CLASRP: variants seen among roughly 807,000 people sequenced by gnomAD.
The protein encoded by CLASRP is CLK4 associating serine/arginine rich protein.
CLASRP carries 52 observed loss-of-function variants against 99.9 expected under a neutral mutation model. The ratio of observed to expected loss-of-function variants is 0.52; its 90% CI spans 0.42 to 0.66. The LOEUF is 0.66. CLASRP is among the 30% of genes least tolerant of loss of function. The pLI is 0.00. For synonymous variants in CLASRP, 379 were observed against 373.0 expected (o/e 1.02, Z -0.18); for missense variants, 848 against 999.2 (o/e 0.85, Z 2.04).
At position 45,064,614 on chromosome 19, in the gene CLASRP, C is replaced by T; in HGVS notation, c.1393C>T (p.Pro465Ser). ...GCCCGCCCGGCGTGGTGGTTACGGG[C>T]CCCGGCGCAGAAGCAGGTGTGTGTG... ...RSPARRGGYG[P>S]RRRSRSRSHS... The change falls in exon 13 of 21, where the codon CCC (proline) becomes TCC (serine). Residue 465 changes from proline (P) to serine (S), a missense_variant. Pro to Ser is a moderately conservative substitution (Grantham distance 74, BLOSUM62 -1). Coordinates refer to ENST00000221455, the MANE Select transcript of CLASRP (RefSeq NM_007056.3). 1 of 1,551,436 alleles carries T rather than the reference C, an allele frequency of 6.4e-7. No individual in the cohort carries two copies. Among genetic ancestry groups the T allele is most frequent in the Non-Finnish European group, 8.7e-7 (1 of 1,154,524 alleles).
chr19:45,063,497 G>A lies in CLASRP; in HGVS notation c.906-515G>A, dbSNP rs1409912698. On this transcript the variant is annotated intron_variant, in intron 11 of 20. Transcript: ENST00000221455. ...GTCTCACTCTGTTGCCCAAGCTGGT[G>A]TGCAGTGGCGTGACCTGGACTCACT... Among the ~76,000 whole-genome samples, 3 of 118,394 alleles carry A rather than the reference G, an allele frequency of 2.5e-5. No homozygotes were observed. The Admixed American group carries it at 3.5e-4, about 14-fold the overall frequency. 77.7% of individuals were successfully genotyped at this position (118,394 alleles called of 152,430 possible).
chr19:45,063,166 T>C lies in CLASRP; in HGVS notation c.906-846T>C, dbSNP rs542286872. ...AAAATTTTATATATTAAAAAACACG[T>C]TTGTTTTTTTTTTCTTTAAAATATT... On this transcript the variant is annotated intron_variant, in intron 11 of 20. Coordinates refer to ENST00000221455, the MANE Select transcript of CLASRP (RefSeq NM_007056.3). Among the ~76,000 whole-genome samples the C allele has an allele frequency of 9.8e-4, 149 of 151,790 alleles. 1 individual carries two copies. The highest frequency in any genetic ancestry group is 2.0e-3 in the Non-Finnish European group (134 of 67,980).
At chr19:45,052,009 T>A in intron 2 of CLASRP, 62 bp from the exon 3 acceptor site, 1 of 1,251,612 alleles carries the variant, frequency 8.0e-7, no homozygotes, top group Non-Finnish European at 1.2e-6. Flanking sequence ...CTCGGTTGTG[T>A]GTGAGGGGGT....
At chr19:45,039,272 C>T (rs1394286935) in intron 1 of CLASRP, among the ~76,000 whole-genome samples, 164 bp downstream of exon 1, 1 of 152,172 alleles carries the variant, frequency 6.6e-6, no homozygotes, top group Admixed American at 6.5e-5. Context: ...TCAGGCCGAG[C>T]CCGTGCCCCG....
chr19:45,052,295 G>A, intron 3 of CLASRP, 127 bp downstream of exon 3: 1 of 735,612 alleles, frequency 1.4e-6, no homozygotes, highest in South Asian at 1.6e-5. Flanking sequence ...GGCAGGGAAG[G>A]TGTGACCCGC....
intron 10 of CLASRP, among the ~76,000 whole-genome samples, chr19:45,061,723 C>G (rs547228884): frequency 6.6e-6 from 1 of 152,244 alleles, no homozygotes; most frequent in African/African-American, 2.4e-5. Flanking sequence ...ATCCTCCCAC[C>G]TCAGCCTCCC....
At chr19:45,068,622 G>C (rs1967154124) in intron 16 of CLASRP, 142 bp downstream of exon 16, 1 of 707,644 alleles carries the variant, frequency 1.4e-6, no homozygotes. Context: ...GGGGAGGAAT[G>C]GGTTTGCATC....
intron 5 of CLASRP, 117 bp from the exon 6 acceptor site, chr19:45,056,333 C>G: frequency 1.3e-6 from 1 of 797,644 alleles, no homozygotes; most frequent in South Asian, 1.5e-5. Context: ...TGGTGACTGC[C>G]CCCCAAGGTG....
chr19:45,058,031 G>A, intron 7 of CLASRP, 133 bp downstream of exon 7: 2 of 1,077,068 alleles, frequency 1.9e-6, no homozygotes, highest in East Asian at 2.6e-5. Context: ...GGGCACACCA[G>A]CCTCCTGCTG....
At position 45,060,184 on chromosome 19, in the gene CLASRP, GT is replaced by G. The variant is rs893422493; in HGVS notation, c.711-194del. On this transcript the variant is annotated intron_variant, in intron 8 of 20. Coordinates refer to ENST00000221455, the MANE Select transcript of CLASRP (RefSeq NM_007056.3). The surrounding 1 kb of genome is among the most constrained non-coding windows in gnomAD (Gnocchi z 4.6). The stretch of plus-strand genomic sequence containing the variant: ...TAAGCCCGTGCAGGTGAGGATTTCT[GT>G]TTTTTTTTTTCAGTGCTCAGTTCTT... Among the ~76,000 whole-genome samples the G allele has an allele frequency of 1.8e-4, 27 of 146,806 alleles. No homozygotes were observed. The highest frequency in any genetic ancestry group is 5.9e-4 in the East Asian group (3 of 5,072).
chr19:45,044,453 T>TA (rs1373225964), intron 2 of CLASRP, among the ~76,000 whole-genome samples: 1 of 152,178 alleles, frequency 6.6e-6, no homozygotes, highest in Non-Finnish European at 1.5e-5. Flanking sequence ...AGCACGGAGA[T>TA]ACGTGGCTTA....
Position 45,070,018 on chromosome 19 carries a change from G to A in CLASRP, c.1875-4G>A, listed in dbSNP as rs373053828. 12 of 1,578,170 alleles carry A rather than the reference G, an allele frequency of 7.6e-6. No individual in the cohort carries two copies. Among genetic ancestry groups the A allele is most frequent in the South Asian group, 4.4e-5 (4 of 90,366 alleles). ...GGCCAGATGCTCATGCCATGCCTTC[G>A]CAGGGAGCGGGAACGCCGAGAGAAG... On this transcript the variant is annotated splice_region_variant and splice_polypyrimidine_tract_variant and intron_variant, in intron 18 of 20. Transcript: ENST00000221455.
At chr19:45,039,642 C>G (rs1971775649) in intron 1 of CLASRP, 1 of 154,484 alleles carries the variant, frequency 6.5e-6, no homozygotes, top group East Asian at 1.9e-4. Context: ...GCATCTTCAT[C>G]TTCCGCCACG....
chr19:45,067,273 G>C lies in CLASRP; in HGVS notation c.1410-64G>C. ...AAGGAGGACTGTGGATCCGGACCCA[G>C]GGTGGGGTGCGGTTGGGGTCCCTGG... On this transcript the variant is annotated intron_variant, in intron 13 of 20. Coordinates refer to ENST00000221455, the MANE Select transcript of CLASRP (RefSeq NM_007056.3). This position sits in a 1 kb window ranked among gnomAD's most constrained non-coding sequence, Gnocchi z 4.9. 6.9e-7 allele frequency: 1 copy of C among 1,442,114 alleles called. No homozygotes were observed. The highest frequency in any genetic ancestry group is 9.1e-7 in the Non-Finnish European group (1 of 1,101,042). The allele number at this position is 1,442,114 out of a possible 1,614,324, so 89.3% of individuals were successfully genotyped here.
chr19:45,068,971 CAG>C, intron 16 of CLASRP, 93 bp from the exon 17 acceptor site: 1 of 1,171,502 alleles, frequency 8.5e-7, no homozygotes, highest in Non-Finnish European at 1.2e-6. Context: ...GCCTGGGCGA[CAG>C]AGCGAGACTC....
chr19:45,065,290 T>C (rs529429098), intron 13 of CLASRP, among the ~76,000 whole-genome samples: 3 of 149,694 alleles, frequency 2.0e-5, no homozygotes, highest in East Asian at 4.0e-4. Flanking sequence ...CTTGAGAGGC[T>C]GAGGCAGGAG....
At chr19:45,070,164 TTACCAAAAAAACCATAG>T in intron 19 of CLASRP, 60 bp downstream of exon 19, 1 of 1,137,664 alleles carries the variant, frequency 8.8e-7, no homozygotes, top group African/African-American at 1.5e-5. Flanking sequence ...TCAAGCAGGG[TTACCAAAAAAACCATAG>T]TACAGCCGGG....
At position 45,064,422 on chromosome 19, in the gene CLASRP, C is replaced by T. The variant is rs1391008255; in HGVS notation, c.1201C>T (p.Arg401Cys). 1 of 1,529,098 alleles carries T rather than the reference C, an allele frequency of 6.5e-7. No individual in the cohort carries two copies. Among genetic ancestry groups the T allele is most frequent in the Admixed American group, 2.0e-5 (1 of 50,870 alleles). The allele number at this position is 1,529,098 out of a possible 1,614,324, so 94.7% of individuals were successfully genotyped here. Residue 401 changes from arginine to cysteine, a missense_variant, in exon 13 of 21, where the codon CGC becomes TGC. Transcript: ENST00000221455. ...CCGCTCCAGCTCTCGCTCCAGCTCC[C>T]GCTCTCGCCGTGGTGGGGGCTACTA... Reference protein sequence around the residue: ...SSRSSSRSSSRSRRGGGYYRS... With the variant: ...SSRSSSRSSSCSRRGGGYYRS...
intron 2 of CLASRP, 52 bp downstream of exon 2, chr19:45,040,363 A>C: frequency 7.7e-7 from 1 of 1,290,476 alleles, no homozygotes; most frequent in South Asian, 1.3e-5. Flanking sequence ...TGGGGGGCAC[A>C]GCTGGTCATC....
Sources: gnomAD v4.1 joint callset for allele counts (sites outside exome capture counted in the v4.1 genomes callset) on GRCh38, gnomAD v4.1.1 for gene constraint, Gnocchi (gnomAD v3.1) non-coding constraint, MANE v1.5 for transcripts, NCBI Gene and HGNC (gene_info 2026-07-23, HGNC 2026-07-21) for gene names.